Variants in UBE2E3 observed in about 807,000 individuals in gnomAD.
UBE2E3 encodes the protein ubiquitin conjugating enzyme E2 E3, also known as ubiquitin-conjugating enzyme E2 E3.
UBE2E3 carries 5 observed loss-of-function variants against 23.6 expected under a neutral mutation model. The observed-to-expected ratio is 0.21, with a 90% CI of 0.11 to 0.44. The LOEUF is 0.44. UBE2E3 is among the 20% of genes least tolerant of loss of function. The pLI is 0.99. For synonymous variants in UBE2E3, 78 were observed against 87.5 expected (o/e 0.89, Z 0.60); for missense variants, 81 against 249.8 (o/e 0.32, Z 4.55).
intron 3 of UBE2E3, among the ~76,000 whole-genome samples, chr2:180,995,956 A>G (rs1176930167): frequency 6.6e-6 from 1 of 151,878 alleles, no homozygotes; most frequent in South Asian, 2.1e-4. Flanking sequence ...TATGTGCTTA[A>G]TTTTTTTGTC....
At chr2:180,999,099 C>T (rs886334755) in intron 3 of UBE2E3, among the ~76,000 whole-genome samples, 7 of 152,096 alleles carry the variant, frequency 4.6e-5, no homozygotes, top group African/African-American at 1.2e-4. Flanking sequence ...AACACCAGTA[C>T]TGCTAAATGA....
At chr2:180,983,248 G>T (rs1684357836) in intron 2 of UBE2E3, among the ~76,000 whole-genome samples, 1 of 152,106 alleles carries the variant, frequency 6.6e-6, no homozygotes, top group Non-Finnish European at 1.5e-5. Context: ...CACCCTTATT[G>T]TCTCAGTAAT....
intron 3 of UBE2E3, among the ~76,000 whole-genome samples, chr2:181,021,590 T>TCCTTCCTCCCTCCCTCCCTTCCTTCCTC (rs1685689448): frequency 3.8e-5 from 2 of 52,492 alleles, no homozygotes; most frequent in Non-Finnish European, 7.3e-5. Context: ...CTCCCTTCCT[T>TCCTTCCTCCCTCCCTCCCTTCCTTCCTC]CCTCCCTCCC....
intron 3 of UBE2E3, among the ~76,000 whole-genome samples, chr2:181,019,428 C>T (rs1474001724): frequency 1.3e-5 from 2 of 152,210 alleles, no homozygotes; most frequent in African/African-American, 4.8e-5. Context: ...AACTTTTAAA[C>T]TTTCAAAATT....
chr2:181,019,244 A>G (rs988610253), intron 3 of UBE2E3, among the ~76,000 whole-genome samples: 2 of 152,152 alleles, frequency 1.3e-5, no homozygotes, highest in African/African-American at 2.4e-5. Flanking sequence ...ACAGGTGTGA[A>G]CCGCCGCACC....
chr2:181,048,767 A>C (rs1686744697), intron 3 of UBE2E3, among the ~76,000 whole-genome samples: 1 of 152,148 alleles, frequency 6.6e-6, no homozygotes. Flanking sequence ...GTTCACTTAT[A>C]AACAGTTTTT....
intron 3 of UBE2E3, among the ~76,000 whole-genome samples, chr2:181,009,427 A>G (rs961123632): frequency 4.6e-5 from 7 of 152,114 alleles, no homozygotes; most frequent in African/African-American, 1.7e-4. Context: ...GATTACAGTA[A>G]TGTTTTACTA....
In UBE2E3 at chr2:181,061,412, C is replaced by T. The variant is rs1255562150; in HGVS notation, c.526+600C>T. On this transcript the variant is annotated intron_variant, in intron 5 of 5. Transcript: ENST00000410062. ...TGCTGGGATTACAGGCGTGAGCCAC[C>T]GCGCCCGGCCGACCACTTCTAACAA... Among the ~76,000 whole-genome samples, 4 of 8,196 alleles carry T rather than the reference C, an allele frequency of 4.9e-4. 2 individuals carry two copies. In the East Asian group the frequency reaches 0.069, roughly 141 times the overall value. The allele number at this position is 8,196 out of a possible 152,430, so 5.4% of individuals were successfully genotyped here.
At chr2:180,994,052 T>C (rs927936101) in intron 3 of UBE2E3, among the ~76,000 whole-genome samples, 8 of 152,202 alleles carry the variant, frequency 5.3e-5, no homozygotes, top group African/African-American at 1.9e-4. Flanking sequence ...TGGAATTCAA[T>C]GGCAGTTTTA....
intron 3 of UBE2E3, among the ~76,000 whole-genome samples, chr2:181,049,290 A>G (rs994997644): frequency 6.6e-6 from 1 of 152,072 alleles, no homozygotes; most frequent in Non-Finnish European, 1.5e-5. Flanking sequence ...ATACTTATAG[A>G]TGTTGATATT....
chr2:180,989,605 A>G (rs529584676), intron 3 of UBE2E3, among the ~76,000 whole-genome samples: 16 of 152,138 alleles, frequency 1.1e-4, no homozygotes, highest in Non-Finnish European at 2.1e-4. Context: ...AATACTCAGT[A>G]CTCTGTGTGA....
At chr2:181,043,575 G>A (rs2105464723) in intron 3 of UBE2E3, among the ~76,000 whole-genome samples, 1 of 152,190 alleles carries the variant, frequency 6.6e-6, no homozygotes, top group South Asian at 2.1e-4. Context: ...AACACTTCTG[G>A]TCCTAAGCAT....
At chr2:181,059,558 A>G (rs957579968) in intron 4 of UBE2E3, among the ~76,000 whole-genome samples, 2 of 151,766 alleles carry the variant, frequency 1.3e-5, no homozygotes, top group Non-Finnish European at 1.5e-5. Context: ...TGTCATTTCA[A>G]CATGTAATCC....
At chr2:181,023,657 T>C (rs1307916450) in intron 3 of UBE2E3, among the ~76,000 whole-genome samples, 1 of 152,114 alleles carries the variant, frequency 6.6e-6, no homozygotes, top group Non-Finnish European at 1.5e-5. Flanking sequence ...GGCATAAAAA[T>C]TGGGGGCATC....
intron 3 of UBE2E3, among the ~76,000 whole-genome samples, chr2:181,010,006 G>A (rs1685271795): frequency 6.6e-6 from 1 of 151,580 alleles, no homozygotes. Flanking sequence ...TTTCTGCTTT[G>A]TTTTATGCTA....
intron 3 of UBE2E3, among the ~76,000 whole-genome samples, chr2:180,985,776 C>G (rs747363163): frequency 1.1e-4 from 16 of 152,030 alleles, no homozygotes; most frequent in Non-Finnish European, 2.1e-4. Flanking sequence ...TTTAAAATTG[C>G]ATGTAGGGTC....
At chr2:181,003,448 A>G (rs1423316924) in intron 3 of UBE2E3, among the ~76,000 whole-genome samples, 1 of 145,290 alleles carries the variant, frequency 6.9e-6, no homozygotes, top group Middle Eastern at 3.3e-3. Flanking sequence ...ATTTATGTCT[A>G]CTTTTGAAGA....
intron 4 of UBE2E3, among the ~76,000 whole-genome samples, chr2:181,058,072 A>T (rs1687035429): frequency 6.6e-6 from 1 of 151,774 alleles, no homozygotes; most frequent in African/African-American, 2.4e-5. Flanking sequence ...TCAATAAAGC[A>T]GATAAATTTT....
At chr2:180,992,080 C>T (rs907337497) in intron 3 of UBE2E3, among the ~76,000 whole-genome samples, 2 of 152,022 alleles carry the variant, frequency 1.3e-5, no homozygotes, top group African/African-American at 4.8e-5. Context: ...TCTTTTTTAC[C>T]TGTTTCCTAA....
Sources: allele counts gnomAD v4.1 joint callset (sites outside exome capture counted in the v4.1 genomes callset), GRCh38; gene constraint gnomAD v4.1.1; transcripts MANE v1.5; gene names NCBI Gene and HGNC (gene_info 2026-07-23, HGNC 2026-07-21).